UTP25: variants seen among roughly 807,000 people sequenced by gnomAD.
UTP25 encodes U3 small nucleolar RNA-associated protein 25 homolog.
A neutral mutation model predicts 78.9 loss-of-function variants in UTP25; 50 were observed. The observed-to-expected ratio is 0.63, with a 90% confidence interval of 0.50 to 0.80. The LOEUF is 0.80. Among genes scored for constraint, UTP25 ranks in the 30% least tolerant of loss-of-function variants. The pLI, the probability that UTP25 is intolerant of heterozygous loss-of-function variation, is 0.00. For missense variants in UTP25, 846 were observed against 911.3 expected (o/e 0.93, Z 0.92); for synonymous variants, 329 against 336.5 (o/e 0.98, Z 0.24).
rs2078287034 is a variant in UTP25, at chr1:209,857,526, A to G, written c.*6079A>G. ...AATAACCAACAATGTGTGTGTATGTATATATATGCTTTTGCATTAAAAGGT... is the reference window on the plus strand; with the variant it reads ...AATAACCAACAATGTGTGTGTATGTGTATATATGCTTTTGCATTAAAAGGT... On this transcript the variant is annotated 3_prime_UTR_variant, in exon 12 of 12. Transcript: ENST00000491415. The G allele has an allele frequency of 6.6e-6, 1 of 152,186 alleles. No homozygotes were observed. Among genetic ancestry groups the G allele is most frequent in the African/African-American group, 2.4e-5 (1 of 41,436 alleles). The allele number at this position is 152,186 out of a possible 1,614,324, so 9.4% of individuals were successfully genotyped here.
intron 1 of UTP25, 82 bp downstream of exon 1, chr1:209,828,252 C>A: frequency 9.6e-7 from 1 of 1,044,232 alleles, no homozygotes; most frequent in Non-Finnish European, 1.4e-6. Flanking sequence ...GATAGTGCTG[C>A]TCCGGCCTTT....
At chr1:209,837,428 G>A (rs2078139989) in intron 6 of UTP25, among the ~76,000 whole-genome samples, 1 of 152,192 alleles carries the variant, frequency 6.6e-6, no homozygotes, top group Admixed American at 6.5e-5. Flanking sequence ...GGAAACTTGC[G>A]AGAAGGAGGC....
At chr1:209,849,604 T>C (rs767095616) in intron 11 of UTP25, among the ~76,000 whole-genome samples, 2 of 152,096 alleles carry the variant, frequency 1.3e-5, no homozygotes, top group African/African-American at 2.4e-5. Flanking sequence ...GTAGGTGGGC[T>C]TTCATGTCCC....
At position 209,843,475 on chromosome 1, in the gene UTP25, T is replaced by C. The variant is rs2078178863; in HGVS notation, c.1806T>C (p.Ile602=). Residue 602 remains isoleucine (I), a synonymous_variant, in exon 11 of 12, where the codon ATT becomes ATC. Coordinates refer to ENST00000491415, the MANE Select transcript of UTP25 (RefSeq NM_014388.7). Reference sequence around the variant, plus strand: ...GGTTTAACTTTTTTGTGAACAAGATTTTGCCACAGTATCGTGATGCAGTCA... The same window carrying C: ...GGTTTAACTTTTTTGTGAACAAGATCTTGCCACAGTATCGTGATGCAGTCA... ...DARFNFFVNK[I]LPQYRDAVMS... 1 of 1,613,952 alleles carries C rather than the reference T, an allele frequency of 6.2e-7. No individual in the cohort carries two copies. Among genetic ancestry groups the C allele is most frequent in the African/African-American group, 1.3e-5 (1 of 74,908 alleles).
At chr1:209,846,431 G>C (rs2078197198) in intron 11 of UTP25, among the ~76,000 whole-genome samples, 1 of 152,170 alleles carries the variant, frequency 6.6e-6, no homozygotes, top group South Asian at 2.1e-4. Context: ...CAGGAGGCAA[G>C]TCAGAAACTG....
chr1:209,837,898 T>G (rs2078143212), intron 6 of UTP25, among the ~76,000 whole-genome samples: 1 of 152,240 alleles, frequency 6.6e-6, no homozygotes, highest in African/African-American at 2.4e-5. Context: ...AGAAGCCTCA[T>G]CTTTTTAGAA....
Position 209,857,166 on chromosome 1 carries a change from T to A in UTP25, c.*5719T>A, listed in dbSNP as rs1316224612. On this transcript the variant is annotated 3_prime_UTR_variant, in exon 12 of 12. Coordinates refer to ENST00000491415, the MANE Select transcript of UTP25 (RefSeq NM_014388.7). ...GGGGTGCTCATTGTGGCTTTTCTAA[T>A]CATCTCTGATTGTTAGAAACACTGT... 7 of 152,094 alleles carry A rather than the reference T, an allele frequency of 4.6e-5. No homozygotes were observed. In the East Asian group the frequency reaches 1.2e-3, roughly 25 times the overall value. 9.4% of individuals were successfully genotyped at this position (152,094 alleles called of 1,614,324 possible).
rs1005146098 is a variant in UTP25, at chr1:209,836,669, C to T, written c.652-132C>T. On this transcript the variant is annotated intron_variant, in intron 5 of 11. Transcript: ENST00000491415. ...ATAACATGAGTATCATGGTAACTAC[C>T]TTGCAGGGCTGTTGTGAGGATTAAA... 12 of 954,966 alleles carry T rather than the reference C, an allele frequency of 1.3e-5. No individual in the cohort carries two copies. The African/African-American group carries it at 2.0e-4, about 16-fold the overall frequency. 59.2% of individuals were successfully genotyped at this position (954,966 alleles called of 1,614,324 possible). A position where few individuals can be genotyped will look rare whatever the true frequency, so the allele number is the denominator to read the frequency against.
chr1:209,838,814 C>T, intron 6 of UTP25, 95 bp from the exon 7 acceptor site: 2 of 1,359,566 alleles, frequency 1.5e-6, no homozygotes, highest in Non-Finnish European at 2.1e-6. Context: ...CACTGCTCTA[C>T]ATGGAGCTTT....
rs76767776 is a variant in UTP25, at chr1:209,851,645, C to A, written c.*198C>A. ...AAATGTAAACCAGATTTTGGTAAAT[C>A]CCATCTTTCAGAAGTGAAGAGGGGG... On this transcript the variant is annotated 3_prime_UTR_variant, in exon 12 of 12. Transcript: ENST00000491415. The A allele has an allele frequency of 1.7e-6, 1 of 600,004 alleles. No individual in the cohort carries two copies. The highest frequency in any genetic ancestry group is 3.3e-5 in the East Asian group (1 of 29,924). The allele number at this position is 600,004 out of a possible 1,614,324, so 37.2% of individuals were successfully genotyped here. A position where few individuals can be genotyped will look rare whatever the true frequency, so the allele number is the denominator to read the frequency against.
At position 209,842,634 on chromosome 1, in the gene UTP25, C is replaced by G. The variant is rs781435500; in HGVS notation, c.1720C>G (p.Gln574Glu). The G allele has an allele frequency of 1.2e-6, 2 of 1,613,850 alleles. No homozygotes were observed. Among genetic ancestry groups the G allele is most frequent in the South Asian group, 2.2e-5 (2 of 90,986 alleles). The change falls in exon 10 of 12, where the codon CAG (glutamine) becomes GAG (glutamate). Residue 574 changes from glutamine to glutamate, a missense_variant. Physicochemically the swap from Gln to Glu is conservative, Grantham distance 29 (BLOSUM62 2). Coordinates refer to ENST00000491415, the MANE Select transcript of UTP25 (RefSeq NM_014388.7). The stretch of plus-strand genomic sequence containing the variant: ...AGGCTCTATCAGTCATGTCCTGGTG[C>G]AGCTCCCACATGTCTTCCAGAGGAT... ...MTGSISHVLV[Q>E]LPHVFQRMEA...
chr1:209,853,908 G>A lies in UTP25; in HGVS notation c.*2461G>A, dbSNP rs1052146790. On this transcript the variant is annotated 3_prime_UTR_variant, in exon 12 of 12. Transcript: ENST00000491415. ...CTGCTTCTTGCCTGCAGAGAACACT[G>A]AGGATTTCAAGTGTGAACAAAGTAG... 1.3e-5 allele frequency: 2 copies of A among 152,218 alleles called. No homozygotes were observed. Among genetic ancestry groups the A allele is most frequent in the African/African-American group, 4.8e-5 (2 of 41,438 alleles). The allele number at this position is 152,218 out of a possible 1,614,324, so 9.4% of individuals were successfully genotyped here.
intron 11 of UTP25, among the ~76,000 whole-genome samples, chr1:209,848,258 A>G (rs2078209444): frequency 6.6e-6 from 1 of 152,252 alleles, no homozygotes; most frequent in Admixed American, 6.5e-5. Context: ...AATTCTACTT[A>G]GGGAATATTA....
At position 209,831,032 on chromosome 1, in the gene UTP25, A is replaced by C; in HGVS notation, c.377A>C (p.Glu126Ala). ...VEEEMAAEST[E>A]SPENVALSAD... ...GAAGAGATGGCTGCAGAGTCTACTGAAAGTCCAGAGAGTAAGTGTCTTTAC... is the reference window on the plus strand; with the variant it reads ...GAAGAGATGGCTGCAGAGTCTACTGCAAGTCCAGAGAGTAAGTGTCTTTAC... Residue 126 changes from glutamate to alanine, a missense_variant, in exon 3 of 12, where the codon GAA (glutamate) becomes GCA (alanine). Coordinates refer to ENST00000491415, the MANE Select transcript of UTP25 (RefSeq NM_014388.7). 1 of 1,614,166 alleles carries C rather than the reference A, an allele frequency of 6.2e-7. No individual in the cohort carries two copies. Among genetic ancestry groups the C allele is most frequent in the Non-Finnish European group, 8.5e-7 (1 of 1,179,986 alleles).
intron 4 of UTP25, among the ~76,000 whole-genome samples, chr1:209,833,824 A>G (rs1312707182): frequency 1.3e-5 from 2 of 152,114 alleles, no homozygotes; most frequent in Non-Finnish European, 2.9e-5. Flanking sequence ...CCTGCCTCCC[A>G]CAGACTCTTG....
chr1:209,849,306 A>G (rs891938833), intron 11 of UTP25, among the ~76,000 whole-genome samples: 5 of 151,550 alleles, frequency 3.3e-5, no homozygotes, highest in African/African-American at 1.2e-4. Context: ...CCCTAATCGA[A>G]CTCTGCTTGT....
rs971699428 is a variant in UTP25 at position 209,856,829 on chromosome 1, C to T, written c.*5382C>T. The T allele has an allele frequency of 5.3e-5, 8 of 152,232 alleles. No individual in the cohort carries two copies. Among genetic ancestry groups the T allele is most frequent in the Admixed American group, 3.3e-4 (5 of 15,284 alleles). The allele number at this position is 152,232 out of a possible 1,614,324, so 9.4% of individuals were successfully genotyped here. On this transcript the variant is annotated 3_prime_UTR_variant, in exon 12 of 12. Transcript: ENST00000491415. ...TCTCTGCTAGCAGTTCTGACGTGTCCATTCCACACTGGATCCATAGAACGA... is the reference window on the plus strand; with the variant it reads ...TCTCTGCTAGCAGTTCTGACGTGTCTATTCCACACTGGATCCATAGAACGA...
chr1:209,839,230 G>C, intron 7 of UTP25, 102 bp downstream of exon 7: 3 of 1,110,032 alleles, frequency 2.7e-6, no homozygotes, highest in Non-Finnish European at 3.9e-6. Flanking sequence ...CACTCACTGT[G>C]CCTCTTTAAC....
Position 209,836,917 on chromosome 1 carries a change from C to T in UTP25, c.768C>T (p.Thr256=). 3 of 1,614,146 alleles carry T rather than the reference C, an allele frequency of 1.9e-6. No individual in the cohort carries two copies. Among genetic ancestry groups the T allele is most frequent in the African/African-American group, 2.7e-5 (2 of 75,016 alleles). Residue 256 remains threonine, a synonymous_variant, in exon 6 of 12, where the codon ACC becomes ACT. Transcript: ENST00000491415. ...SLHLQKPLES[T]WTKTNSQFLS... ...ATCTCCAGAAGCCTCTGGAATCCAC[C>T]TGGACTAAGACCAACAGCCAGTTCC... is the stretch of plus-strand genomic sequence containing the variant.
Sources: gnomAD v4.1 joint callset for allele counts (sites outside exome capture counted in the v4.1 genomes callset) on GRCh38, gnomAD v4.1.1 for gene constraint, MANE v1.5 for transcripts, NCBI Gene and HGNC (gene_info 2026-07-23, HGNC 2026-07-21) for gene names.